The following NRG3 variants were observed in gnomAD, a reference collection of about 807,000 sequenced individuals.
NRG3 encodes the protein neuregulin 3.
A neutral mutation model predicts 66.9 loss-of-function variants in NRG3; 31 were observed. The ratio of observed to expected loss-of-function variants is 0.46; its 90% CI spans 0.35 to 0.63. The LOEUF is 0.63. Ranked by LOEUF, NRG3 falls within the 20% of genes least tolerant of loss-of-function variation. The probability of loss-of-function intolerance (pLI) is 0.00; values close to 1 mark genes in which losing one functional copy is unlikely to be tolerated. For missense variants in NRG3, 910 were observed against 878.9 expected (o/e 1.04, Z -0.45); for synonymous variants, 393 against 359.4 (o/e 1.09, Z -1.06).
At chr10:82,129,333 A>G (rs1254743937) in intron 1 of NRG3, among the ~76,000 whole-genome samples, 1 of 152,112 alleles carries the variant, frequency 6.6e-6, no homozygotes, top group African/African-American at 2.4e-5. Context: ...GATTTTTATT[A>G]CATGCATGGT....
At chr10:82,377,428 G>A (rs1320405803) in intron 2 of NRG3, among the ~76,000 whole-genome samples, 1 of 118,286 alleles carries the variant, frequency 8.5e-6, no homozygotes, top group Admixed American at 7.6e-5. Flanking sequence ...GTATGTGTGT[G>A]TGTGCGCGTG....
intron 1 of NRG3, among the ~76,000 whole-genome samples, chr10:82,112,889 C>T (rs747800161): frequency 6.6e-6 from 1 of 152,116 alleles, no homozygotes; most frequent in Non-Finnish European, 1.5e-5. Context: ...AATGGCTATT[C>T]TGTGTGGTTT....
chr10:82,441,205 A>C (rs2090415895), intron 2 of NRG3, among the ~76,000 whole-genome samples: 1 of 152,254 alleles, frequency 6.6e-6, no homozygotes, highest in Non-Finnish European at 1.5e-5. Flanking sequence ...GAAGAATACC[A>C]AGGAGAGAAA....
chr10:82,262,506 C>T (rs1416368723), intron 1 of NRG3, among the ~76,000 whole-genome samples: 1 of 152,214 alleles, frequency 6.6e-6, no homozygotes, highest in Non-Finnish European at 1.5e-5. Context: ...TCTGGCTACT[C>T]CTATTTCCAC....
At chr10:81,971,100 A>G (rs1564700916) in intron 1 of NRG3, among the ~76,000 whole-genome samples, 2 of 152,216 alleles carry the variant, frequency 1.3e-5, no homozygotes, top group African/African-American at 4.8e-5. Flanking sequence ...AGATTGTGCC[A>G]TTGCACTCCA....
chr10:82,347,871 C>G (rs2135465476), intron 1 of NRG3, among the ~76,000 whole-genome samples: 1 of 151,936 alleles, frequency 6.6e-6, no homozygotes, highest in South Asian at 2.1e-4. Flanking sequence ...TCTGTTTTAT[C>G]AGAGACTAGG....
intron 1 of NRG3, among the ~76,000 whole-genome samples, chr10:81,927,592 A>T (rs1186505209): frequency 1.3e-5 from 2 of 152,226 alleles, no homozygotes; most frequent in African/African-American, 2.4e-5. Flanking sequence ...ATTTTAAATG[A>T]TAGACTTTGT....
chr10:82,217,818 C>T (rs1170430977), intron 1 of NRG3, among the ~76,000 whole-genome samples: 1 of 152,058 alleles, frequency 6.6e-6, no homozygotes, highest in Non-Finnish European at 1.5e-5. Flanking sequence ...GTAATACATC[C>T]TTTGAAGAAT....
At position 82,738,577 on chromosome 10, in the gene NRG3, G is replaced by A. The variant is rs1369503020; in HGVS notation, c.954G>A (p.Arg318=). ...TTTGTCATTTATCCCCTTTTCTCAG[G>A]TGCAAAGAAGGCTACCAAGGAGTCC... The part of the protein sequence containing the change: ...ETLTGSHKHC[R]CKEGYQGVRC... Residue 318 remains arginine (R), a splice_region_variant and synonymous_variant, in exon 3 of 9, where the codon CGG becomes CGA. Coordinates refer to ENST00000372141, the MANE Select transcript of NRG3 (RefSeq NM_001010848.4). 2 of 1,613,796 alleles carry A rather than the reference G, an allele frequency of 1.2e-6. No individual in the cohort carries two copies. Among genetic ancestry groups the A allele is most frequent in the Admixed American group, 1.7e-5 (1 of 60,006 alleles).
In NRG3 at chr10:82,938,711, G is replaced by A. The variant is rs549947957; in HGVS notation, c.1055-12758G>A. 1.3e-3 allele frequency among the ~76,000 whole-genome samples: 191 copies of A among 152,270 alleles called. 2 individuals are homozygous for A. Among genetic ancestry groups the A allele is most frequent in the African/African-American group, 4.3e-3 (180 of 41,552 alleles). On this transcript the variant is annotated intron_variant, in intron 4 of 8. Coordinates refer to ENST00000372141, the MANE Select transcript of NRG3 (RefSeq NM_001010848.4). ...AATGTTCTGTGAAGCAAAGTTAAACGGTCTTTAGTGGGTTAGAATCCCTAC... is the reference window on the plus strand; with the variant it reads ...AATGTTCTGTGAAGCAAAGTTAAACAGTCTTTAGTGGGTTAGAATCCCTAC...
chr10:82,507,011 ACT>A (rs1463328779), intron 2 of NRG3, among the ~76,000 whole-genome samples: 1 of 152,194 alleles, frequency 6.6e-6, no homozygotes, highest in Non-Finnish European at 1.5e-5. Flanking sequence ...TGCTGTAAGG[ACT>A]GCTGTTCATG....
intron 3 of NRG3, among the ~76,000 whole-genome samples, chr10:82,829,828 C>A (rs945117810): frequency 2.0e-4 from 31 of 152,152 alleles, no homozygotes; most frequent in African/African-American, 7.5e-4. Context: ...ATCCCAATCT[C>A]AAGGCTAATC....
chr10:81,892,037 C>T (rs897919443), intron 1 of NRG3, among the ~76,000 whole-genome samples: 1 of 152,080 alleles, frequency 6.6e-6, no homozygotes, highest in Admixed American at 6.6e-5. Context: ...GGACATTTGT[C>T]AGTTTGGCAT....
At chr10:81,937,330 A>T (rs895157507) in intron 1 of NRG3, among the ~76,000 whole-genome samples, 3 of 151,688 alleles carry the variant, frequency 2.0e-5, no homozygotes, top group Non-Finnish European at 2.9e-5. Flanking sequence ...TAATTTATTT[A>T]TTTTTTTTGA....
At chr10:82,732,704 GTGGCTACTGT>G (rs1240715124) in intron 2 of NRG3, among the ~76,000 whole-genome samples, 1 of 152,132 alleles carries the variant, frequency 6.6e-6, no homozygotes, top group Non-Finnish European at 1.5e-5. Context: ...AATCCAGGGG[GTGGCTACTGT>G]TATCTGCATT....
At chr10:82,443,077 G>A (rs75612895) in intron 2 of NRG3, among the ~76,000 whole-genome samples, 2,287 of 152,180 alleles carry the variant, frequency 0.015, 44 homozygotes, top group African/African-American at 0.046. Context: ...GATTTTCAGA[G>A]AAGAAAGGGT....
At chr10:82,467,067 C>T (rs752265834) in intron 2 of NRG3, among the ~76,000 whole-genome samples, 4 of 150,400 alleles carry the variant, frequency 2.7e-5, no homozygotes, top group East Asian at 1.9e-4. Context: ...AATAGGGGAC[C>T]GTTATTGAAT....
rs1469894288 is a variant in NRG3, at chr10:82,986,878, T to C, written c.*1273T>C. On this transcript the variant is annotated 3_prime_UTR_variant, in exon 9 of 9. Transcript: ENST00000372141. ...ATGTGTGGACCAAGGCTTCGGCTTC[T>C]GTGGTTAGTATGGGAAGAATAAATT... 2 of 152,214 alleles carry C rather than the reference T, an allele frequency of 1.3e-5. No homozygotes were observed. The highest frequency in any genetic ancestry group is 2.9e-5 in the Non-Finnish European group (2 of 68,026). 9.4% of individuals were successfully genotyped at this position (152,214 alleles called of 1,614,324 possible). A position where few individuals can be genotyped will look rare whatever the true frequency, so the allele number is the denominator to read the frequency against.
At chr10:82,654,782 A>G (rs1055750720) in intron 2 of NRG3, among the ~76,000 whole-genome samples, 1 of 152,208 alleles carries the variant, frequency 6.6e-6, no homozygotes, top group African/African-American at 2.4e-5. Flanking sequence ...ATGATATGTT[A>G]AAGATAAACA....
Sources: allele counts gnomAD v4.1 joint callset (sites outside exome capture counted in the v4.1 genomes callset), GRCh38; gene constraint gnomAD v4.1.1; transcripts MANE v1.5; gene names NCBI Gene and HGNC (gene_info 2026-07-23, HGNC 2026-07-21).